FHL5: variants seen among roughly 807,000 people sequenced by gnomAD.
FHL5 encodes the protein four and a half LIM domains protein 5.
In FHL5, 33 loss-of-function variants were observed where a neutral mutation model predicts 32.0. That is an observed-to-expected ratio of 1.03 (90% CI 0.78 to 1.38). The LOEUF is 1.38. Ranked by LOEUF, FHL5 falls within the 40% of genes most tolerant of loss-of-function variation. FHL5 has a pLI of 0.00. For synonymous variants in FHL5, 114 were observed against 113.6 expected, an observed-to-expected ratio of 1.00 and a Z score of -0.02; for missense variants, 336 against 343.9, an observed-to-expected ratio of 0.98 and a Z score of 0.18.
intron 1 of FHL5, among the ~76,000 whole-genome samples, chr6:96,571,902 G>A (rs1468204730): frequency 5.3e-5 from 8 of 152,102 alleles, no homozygotes; most frequent in Admixed American, 5.2e-4. Flanking sequence ...AAGTGTATTT[G>A]CTTTCAGTAC....
intron 4 of FHL5, among the ~76,000 whole-genome samples, chr6:96,609,498 A>G (rs946916078): frequency 3.9e-5 from 6 of 152,232 alleles, no homozygotes; most frequent in Admixed American, 6.5e-5. Flanking sequence ...TTTAAAAAGT[A>G]GAATTCATGG....
intron 1 of FHL5, among the ~76,000 whole-genome samples, chr6:96,596,361 G>T (rs1366020154): frequency 1.3e-5 from 2 of 152,096 alleles, no homozygotes; most frequent in Non-Finnish European, 2.9e-5. Flanking sequence ...TTTCTAAGCT[G>T]TCAGCAATGA....
At chr6:96,604,464 A>G (rs768016950) in intron 2 of FHL5, among the ~76,000 whole-genome samples, 2 of 152,088 alleles carry the variant, frequency 1.3e-5, no homozygotes, top group Admixed American at 6.6e-5. Flanking sequence ...AAAAACCTCT[A>G]TTATAGTTTA....
At chr6:96,590,574 T>G (rs1770894766) in intron 1 of FHL5, among the ~76,000 whole-genome samples, 1 of 152,070 alleles carries the variant, frequency 6.6e-6, no homozygotes, top group Non-Finnish European at 1.5e-5. Context: ...TTTGTTTCCT[T>G]TTAACTCTTG....
At chr6:96,615,489 A>T in intron 5 of FHL5, 120 bp from the exon 6 acceptor site, 1 of 696,582 alleles carries the variant, frequency 1.4e-6, no homozygotes. Context: ...TTTTTGGGTT[A>T]TTTGCCTCTG....
intron 1 of FHL5, among the ~76,000 whole-genome samples, chr6:96,599,831 A>G (rs571446509): frequency 6.6e-6 from 1 of 152,378 alleles, no homozygotes; most frequent in Non-Finnish European, 1.5e-5. Flanking sequence ...GTACATGTTT[A>G]TATTAATAGT....
chr6:96,573,873 C>A (rs1405622873), intron 1 of FHL5, among the ~76,000 whole-genome samples: 1 of 151,898 alleles, frequency 6.6e-6, no homozygotes, highest in Non-Finnish European at 1.5e-5. Flanking sequence ...AACAATTATA[C>A]TCCCATTTTT....
Position 96,587,303 on chromosome 6 carries a change from C to T in FHL5, c.-12-16299C>T, listed in dbSNP as rs1770819426. On this transcript the variant is annotated intron_variant, in intron 1 of 5. Transcript: ENST00000450218. ...TTATTAGGCAACCATTTTATGGTCCCGACTTGGTTCCTTCTGACTTCCTTT... is the reference window on the plus strand; with the variant it reads ...TTATTAGGCAACCATTTTATGGTCCTGACTTGGTTCCTTCTGACTTCCTTT... Among the ~76,000 whole-genome samples the T allele has an allele frequency of 3.3e-5, 5 of 152,094 alleles. No individual in the cohort carries two copies. In the South Asian group the frequency reaches 1.0e-3, roughly 32 times the overall value.
intron 1 of FHL5, among the ~76,000 whole-genome samples, chr6:96,570,240 G>C (rs1473297767): frequency 6.6e-6 from 1 of 152,026 alleles, no homozygotes. Flanking sequence ...GGATAACTTT[G>C]CTGGGTATAG....
intron 1 of FHL5, among the ~76,000 whole-genome samples, chr6:96,597,578 A>T (rs1362485162): frequency 6.6e-6 from 1 of 152,212 alleles, no homozygotes; most frequent in Non-Finnish European, 1.5e-5. Context: ...TATAGAAAAA[A>T]GTTCAAATCT....
chr6:96,579,972 A>C (rs1770665776), intron 1 of FHL5, among the ~76,000 whole-genome samples: 1 of 152,200 alleles, frequency 6.6e-6, no homozygotes, highest in Admixed American at 6.5e-5. Context: ...AAAGGTTTAA[A>C]GAGACATCCA....
chr6:96,599,475 G>A (rs937000042), intron 1 of FHL5, among the ~76,000 whole-genome samples: 4 of 152,192 alleles, frequency 2.6e-5, no homozygotes, highest in South Asian at 2.1e-4. Context: ...GATTACGGGC[G>A]TGAGCCACAG....
chr6:96,616,350 T>C lies in FHL5; in HGVS notation c.*578T>C, dbSNP rs568703533. 4.6e-5 allele frequency: 7 copies of C among 152,330 alleles called. No homozygotes were observed. Among genetic ancestry groups the C allele is most frequent in the African/African-American group, 1.7e-4 (7 of 41,564 alleles). The allele number at this position is 152,330 out of a possible 1,614,324, so 9.4% of individuals were successfully genotyped here. A position where few individuals can be genotyped will look rare whatever the true frequency, so the allele number is the denominator to read the frequency against. On this transcript the variant is annotated 3_prime_UTR_variant, in exon 6 of 6. Transcript: ENST00000450218. ...AGCTACAATTTGCCCTCATACACAC[T>C]GCTTCCACAGCTTGCTAGTTCTGTG...
At chr6:96,612,241 G>T (rs1020508258) in intron 5 of FHL5, among the ~76,000 whole-genome samples, 1 of 152,120 alleles carries the variant, frequency 6.6e-6, no homozygotes, top group African/African-American at 2.4e-5. Flanking sequence ...GATCTCCACT[G>T]ATTTTAGTTA....
intron 1 of FHL5, among the ~76,000 whole-genome samples, chr6:96,581,458 T>C (rs1770694997): frequency 6.6e-6 from 1 of 152,248 alleles, no homozygotes; most frequent in African/African-American, 2.4e-5. Context: ...TGTTATCTTA[T>C]GCCACCTAAA....
At chr6:96,569,528 G>C (rs577719614) in intron 1 of FHL5, among the ~76,000 whole-genome samples, 6 of 152,140 alleles carry the variant, frequency 3.9e-5, no homozygotes, top group Admixed American at 6.5e-5. Flanking sequence ...GAGGGGTGTT[G>C]AAGTCCCCAG....
intron 5 of FHL5, among the ~76,000 whole-genome samples, chr6:96,611,828 T>G (rs1260214344): frequency 6.6e-6 from 1 of 152,206 alleles, no homozygotes; most frequent in Non-Finnish European, 1.5e-5. Flanking sequence ...CAGCATGGTC[T>G]TATTTGTCTA....
At chr6:96,564,969 G>A (rs760440289) in intron 1 of FHL5, among the ~76,000 whole-genome samples, 3 of 152,050 alleles carry the variant, frequency 2.0e-5, no homozygotes, top group Non-Finnish European at 4.4e-5. Flanking sequence ...AAAATAATCA[G>A]CTTGAGGCCA....
intron 1 of FHL5, among the ~76,000 whole-genome samples, chr6:96,598,079 C>T (rs1300532562): frequency 2.6e-5 from 4 of 152,140 alleles, no homozygotes; most frequent in Non-Finnish European, 5.9e-5. Context: ...TAAAATTACC[C>T]CAAATGTGGT....
Sources: gnomAD v4.1 joint callset for allele counts (sites outside exome capture counted in the v4.1 genomes callset) on GRCh38, gnomAD v4.1.1 for gene constraint, MANE v1.5 for transcripts, NCBI Gene and HGNC (gene_info 2026-07-23, HGNC 2026-07-21) for gene names.